Variants in CACNA1C observed in about 807,000 individuals in gnomAD.
CACNA1C encodes calcium voltage-gated channel subunit alpha1 C, also known as voltage-dependent L-type calcium channel subunit alpha-1C.
A neutral mutation model predicts 229.0 loss-of-function variants in CACNA1C; 30 were observed. That is an observed-to-expected ratio of 0.13 (90% CI 0.10 to 0.18). The LOEUF is 0.18. Ranked by LOEUF, CACNA1C falls within the 10% of genes least tolerant of loss-of-function variation. The pLI is 1.00. For synonymous variants in CACNA1C, 1,114 were observed against 1,132.5 expected (o/e 0.98, Z 0.33); for missense variants, 1,658 against 2,845.0 (o/e 0.58, Z 9.49).
At chr12:2,253,032 C>T (rs61907761) in intron 3 of CACNA1C, among the ~76,000 whole-genome samples, 8,458 of 152,218 alleles carry the variant, frequency 0.056, 332 homozygotes, top group Non-Finnish European at 0.076. Flanking sequence ...ATGGCAGGAA[C>T]ACATCCCACT....
intron 3 of CACNA1C, among the ~76,000 whole-genome samples, chr12:2,268,751 G>C (rs1022935328): frequency 5.9e-5 from 9 of 152,158 alleles, no homozygotes; most frequent in Non-Finnish European, 1.0e-4. Context: ...GAGGTTCCCC[G>C]GGAGACTGTG....
Position 2,410,402 on chromosome 12 carries a change from GT to G in CACNA1C, c.478-38571del, listed in dbSNP as rs1206192547. 5.3e-5 allele frequency among the ~76,000 whole-genome samples: 8 copies of G among 152,194 alleles called. No homozygotes were observed. Among genetic ancestry groups the G allele is most frequent in the Non-Finnish European group, 1.5e-5 (1 of 68,038 alleles). ...AATCACTGTGGCTCTGGTTGTGGAA[GT>G]TTGTCATGAGTGGACCCCAGCAAGG... On this transcript the variant is annotated intron_variant, in intron 3 of 46. Transcript: ENST00000399655. The surrounding 1 kb of genome is among the most constrained non-coding windows in gnomAD (Gnocchi z 5.3).
At chr12:2,193,284 GTCTC>G (rs1271644906) in intron 3 of CACNA1C, among the ~76,000 whole-genome samples, 2 of 152,054 alleles carry the variant, frequency 1.3e-5, no homozygotes, top group African/African-American at 4.8e-5. Context: ...GCGAAACCCT[GTCTC>G]TACAAAAAGT....
At chr12:2,179,861 AC>A (rs2096779698) in intron 3 of CACNA1C, among the ~76,000 whole-genome samples, 1 of 152,146 alleles carries the variant, frequency 6.6e-6, no homozygotes, top group Admixed American at 6.5e-5. Flanking sequence ...CACTGTACAC[AC>A]CGTTGCTAGA....
At chr12:2,315,452 T>G (rs150229667) in intron 3 of CACNA1C, among the ~76,000 whole-genome samples, 44 of 152,328 alleles carry the variant, frequency 2.9e-4, no homozygotes, top group African/African-American at 1.1e-3. Flanking sequence ...TTTTTCCCCT[T>G]CTAGTCGCCA....
intron 9 of CACNA1C, among the ~76,000 whole-genome samples, chr12:2,525,569 C>T (rs1257565258): frequency 6.6e-6 from 1 of 152,206 alleles, no homozygotes; most frequent in Non-Finnish European, 1.5e-5. Flanking sequence ...GTTTAATACC[C>T]ATGACCATAA....
Position 2,346,461 on chromosome 12 carries a change from A to G in CACNA1C, c.478-102515A>G, listed in dbSNP as rs2097026908. Among the ~76,000 whole-genome samples the G allele has an allele frequency of 6.6e-6, 1 of 152,082 alleles. No individual in the cohort carries two copies. The highest frequency in any genetic ancestry group is 2.4e-5 in the African/African-American group (1 of 41,400). On this transcript the variant is annotated intron_variant, in intron 3 of 46. Transcript: ENST00000399655. This position sits in a 1 kb window ranked among gnomAD's most constrained non-coding sequence, Gnocchi z 4.4. ...TCACATTCCACAGGTCCTAGAGGAA[A>G]TGTTTTTGCTGTCCAGGGCTTTGGG... is the stretch of plus-strand genomic sequence containing the variant.
intron 3 of CACNA1C, among the ~76,000 whole-genome samples, chr12:2,243,622 A>G (rs945494672): frequency 3.3e-5 from 5 of 152,226 alleles, no homozygotes; most frequent in Admixed American, 1.3e-4. Flanking sequence ...CTGTGGGGCA[A>G]CTTAACTCTG....
At chr12:2,463,055 G>GGT (rs1377425157) in intron 5 of CACNA1C, among the ~76,000 whole-genome samples, 1 of 150,702 alleles carries the variant, frequency 6.6e-6, no homozygotes, top group Admixed American at 6.6e-5. Context: ...TGGGACTATA[G>GGT]GCACCCGCCA....
intron 3 of CACNA1C, among the ~76,000 whole-genome samples, chr12:2,372,514 C>T (rs886539344): frequency 1.3e-5 from 2 of 152,198 alleles, no homozygotes; most frequent in African/African-American, 4.8e-5. Context: ...GAGAGATGGA[C>T]ACATGTAGTA....
At chr12:2,624,611 A>G (rs1178535350) in intron 29 of CACNA1C, among the ~76,000 whole-genome samples, 1 of 152,222 alleles carries the variant, frequency 6.6e-6, no homozygotes, top group Non-Finnish European at 1.5e-5. Flanking sequence ...CTAGGTCTTC[A>G]ATCCTTTCTG....
At chr12:1,980,914 C>G (rs1388144523) in intron 1 of CACNA1C, among the ~76,000 whole-genome samples, 1 of 151,832 alleles carries the variant, frequency 6.6e-6, no homozygotes, top group Non-Finnish European at 1.5e-5. Flanking sequence ...CACAATATCT[C>G]AATAAGCATA....
chr12:2,477,246 C>A (rs1277404102), intron 5 of CACNA1C, among the ~76,000 whole-genome samples: 1 of 152,118 alleles, frequency 6.6e-6, no homozygotes, highest in Non-Finnish European at 1.5e-5. Context: ...TTGTCACCAC[C>A]ACAAATGCTG....
intron 11 of CACNA1C, among the ~76,000 whole-genome samples, chr12:2,564,962 C>T (rs1600248663): frequency 1.3e-5 from 2 of 152,264 alleles, no homozygotes; most frequent in East Asian, 3.9e-4. Flanking sequence ...CTCAGCACCT[C>T]TCCAGCTATG....
chr12:2,680,241 G>T, intron 42 of CACNA1C: 1 of 700,564 alleles, frequency 1.4e-6, no homozygotes, highest in South Asian at 2.3e-5. Flanking sequence ...ATCCCCTGTG[G>T]GAGGCGCCAT....
chr12:2,608,448 G>C lies in CACNA1C; in HGVS notation c.3357-63G>C. The C allele has an allele frequency of 7.8e-7, 1 of 1,288,340 alleles. No homozygotes were observed. Among genetic ancestry groups the C allele is most frequent in the Admixed American group, 2.1e-5 (1 of 48,028 alleles). 79.8% of individuals were successfully genotyped at this position (1,288,340 alleles called of 1,614,324 possible). ...CTGGGATCCCTGGAGCAGTGGTGCC[G>C]TCCTTCCGCAGAGGGGACCCTGCTT... is the stretch of plus-strand genomic sequence containing the variant. On this transcript the variant is annotated intron_variant, in intron 26 of 46. Transcript: ENST00000399655. This position sits in a 1 kb window ranked among gnomAD's most constrained non-coding sequence, Gnocchi z 4.2.
At position 2,479,519 on chromosome 12, in the gene CACNA1C, A is replaced by T. The variant is rs954832319; in HGVS notation, c.758-6585A>T. ...GGATTTGGCTAAAGTTTATTTGGAA[A>T]TACAGAAGGCATAACTTGCTTTGGT... On this transcript the variant is annotated intron_variant, in intron 5 of 46. Transcript: ENST00000399655. The surrounding 1 kb of genome is among the most constrained non-coding windows in gnomAD (Gnocchi z 4.3). Among the ~76,000 whole-genome samples the T allele has an allele frequency of 1.3e-5, 2 of 152,246 alleles. No homozygotes were observed. The highest frequency in any genetic ancestry group is 1.5e-5 in the Non-Finnish European group (1 of 68,046).
Position 2,679,047 on chromosome 12 carries a change from C to T in CACNA1C, c.5092-397C>T, listed in dbSNP as rs902709331. Among the ~76,000 whole-genome samples, 5 of 152,200 alleles carry T rather than the reference C, an allele frequency of 3.3e-5. No individual in the cohort carries two copies. Among genetic ancestry groups the T allele is most frequent in the African/African-American group, 9.7e-5 (4 of 41,440 alleles). ...ATCTTCTGGTCGCTCTCCCAGCCCC[C>T]GCCCTCACGGTGTGCTGGCTGCTCT... On this transcript the variant is annotated intron_variant, in intron 41 of 46. Coordinates refer to ENST00000399655, the MANE Select transcript of CACNA1C (RefSeq NM_000719.7). The surrounding 1 kb of genome is among the most constrained non-coding windows in gnomAD (Gnocchi z 5.5).
chr12:2,620,725 T>A (rs146829721), intron 29 of CACNA1C, among the ~76,000 whole-genome samples: 6 of 152,398 alleles, frequency 3.9e-5, no homozygotes, highest in African/African-American at 7.2e-5. Context: ...CACACTCATC[T>A]GCATGTGTTT....
Sources: allele counts gnomAD v4.1 joint callset (sites outside exome capture counted in the v4.1 genomes callset), GRCh38; gene constraint gnomAD v4.1.1; non-coding constraint Gnocchi (gnomAD v3.1); transcripts MANE v1.5; gene names NCBI Gene and HGNC (gene_info 2026-07-23, HGNC 2026-07-21).